Variants in MRPL16 observed in about 807,000 individuals in gnomAD.
MRPL16 encodes mitochondrial ribosomal protein L16.
In MRPL16, 17 loss-of-function variants were observed where a neutral mutation model predicts 22.7. The ratio of observed to expected loss-of-function variants is 0.75; its 90% CI spans 0.51 to 1.12. The LOEUF (loss-of-function observed/expected upper bound fraction) is 1.12, where lower values mean the gene tolerates loss of function less well. MRPL16 is among the 50% of genes most tolerant of loss of function. The pLI, the probability that MRPL16 is intolerant of heterozygous loss-of-function variation, is 0.00. For missense variants in MRPL16, 316 were observed against 328.7 expected, an observed-to-expected ratio of 0.96 and a Z score of 0.30; for synonymous variants, 103 against 112.8, an observed-to-expected ratio of 0.91 and a Z score of 0.55.
intron 2 of MRPL16, chr11:59,808,594 C>T (rs1866137522): frequency 6.6e-6 from 1 of 152,190 alleles, no homozygotes; most frequent in Non-Finnish European, 1.5e-5. Flanking sequence ...AACAGCAAAG[C>T]TACATACCAT....
rs1245045327 is a variant in MRPL16, at chr11:59,806,560, G to C, written c.543C>G (p.His181Gln). The C allele has an allele frequency of 1.2e-6, 2 of 1,614,122 alleles. No homozygotes were observed. The highest frequency in any genetic ancestry group is 1.7e-6 in the Non-Finnish European group (2 of 1,180,054). The change falls in exon 4 of 4, where the codon CAC (histidine) becomes CAG (glutamine). Residue 181 changes from histidine to glutamine, a missense_variant. His to Gln is a conservative substitution (Grantham distance 24). Coordinates refer to ENST00000300151, the MANE Select transcript of MRPL16 (RefSeq NM_017840.4). ...CAGCCTTTGCTGCGAAGGGCAACTT[G>C]TGGGCAACCTGGTCAAGGAAACCTT... is the stretch of plus-strand genomic sequence containing the variant. ...EVQGFLDQVAHKLPFAAKAVS... is the reference protein window; with the variant it reads ...EVQGFLDQVAQKLPFAAKAVS...
chr11:59,808,851 A>G (rs1199146515), intron 2 of MRPL16: 1 of 152,196 alleles, frequency 6.6e-6, no homozygotes, highest in Non-Finnish European at 1.5e-5. Flanking sequence ...CAGGCCAGAC[A>G]TGTGACATCT....
In MRPL16 at chr11:59,809,847, G is replaced by A. The variant is rs368270554; in HGVS notation, c.121+8C>T. 2 of 1,609,946 alleles carry A rather than the reference G, an allele frequency of 1.2e-6. No homozygotes were observed. The highest frequency in any genetic ancestry group is 1.7e-6 in the Non-Finnish European group (2 of 1,177,152). ...AGATTTACGAACAGGAGAAAGACAA[G>A]CTCTCACCTTCAAAACTTGGTACTG... On this transcript the variant is annotated splice_region_variant and intron_variant, in intron 2 of 3. Coordinates refer to ENST00000300151, the MANE Select transcript of MRPL16 (RefSeq NM_017840.4).
At position 59,806,517 on chromosome 11, in the gene MRPL16, C is replaced by T. The variant is rs1409620132; in HGVS notation, c.586G>A (p.Glu196Lys). Residue 196 changes from glutamate to lysine, a missense_variant, in exon 4 of 4, where the codon GAG becomes AAG. Transcript: ENST00000300151. ...AAKAVSRGTL[E>K]KMRKDQEERE... ...TCCTCTTGATCTTTTCGCATCTTCT[C>T]TAGAGTCCCGCGGCTCACAGCCTTT... 1.2e-6 allele frequency: 2 copies of T among 1,614,242 alleles called. No individual in the cohort carries two copies. The highest frequency in any genetic ancestry group is 1.7e-6 in the Non-Finnish European group (2 of 1,180,044).
At position 59,809,402 on chromosome 11, in the gene MRPL16, G is replaced by C. The variant is rs550969665; in HGVS notation, c.121+453C>G. The C allele has an allele frequency of 4.1e-5, 7 of 169,790 alleles. No individual in the cohort carries two copies. The Admixed American group carries it at 4.5e-4, about 11-fold the overall frequency. 10.5% of individuals were successfully genotyped at this position (169,790 alleles called of 1,614,324 possible). A position where few individuals can be genotyped will look rare whatever the true frequency, so the allele number is the denominator to read the frequency against. On this transcript the variant is annotated intron_variant, in intron 2 of 3. Coordinates refer to ENST00000300151, the MANE Select transcript of MRPL16 (RefSeq NM_017840.4). ...TGGGATTACAGGTGTAAACTACCAC[G>C]CCCAGCTAATTTTTTGTATTTTTAG...
intron 3 of MRPL16, chr11:59,807,122 A>C (rs1183885064): frequency 2.7e-6 from 1 of 367,868 alleles, no homozygotes; most frequent in Non-Finnish European, 4.9e-6. Flanking sequence ...AGGCATAAGA[A>C]AGGCTTATGT....
chr11:59,808,969 A>C (rs1379155291), intron 2 of MRPL16: 2 of 152,232 alleles, frequency 1.3e-5, no homozygotes, highest in Non-Finnish European at 2.9e-5. Context: ...GACAAATACA[A>C]AATAGAAGAG....
At chr11:59,807,202 A>C in intron 3 of MRPL16, 1 of 219,396 alleles carries the variant, frequency 4.6e-6, no homozygotes, top group Admixed American at 5.1e-5. Context: ...AGGGTGAGGA[A>C]TGGGGAGAGT....
In MRPL16 at chr11:59,806,239, T is replaced by G. The variant is rs1294043523; in HGVS notation, c.*108A>C. The G allele has an allele frequency of 4.9e-6, 6 of 1,213,148 alleles. No homozygotes were observed. The East Asian group carries it at 1.4e-4, about 29-fold the overall frequency. The allele number at this position is 1,213,148 out of a possible 1,614,324, so 75.1% of individuals were successfully genotyped here. ...CAGAAATCTACTCAAATGCTGCTCC[T>G]TAGTTATGGCTTAAGAGCTACCCAA... On this transcript the variant is annotated 3_prime_UTR_variant, in exon 4 of 4. Transcript: ENST00000300151.
intron 2 of MRPL16, among the ~76,000 whole-genome samples, chr11:59,808,418 A>G (rs1866135189): frequency 6.6e-6 from 1 of 152,256 alleles, no homozygotes; most frequent in Admixed American, 6.5e-5. Context: ...CAAATTAAAA[A>G]TATACAGCTC....
intron 1 of MRPL16, chr11:59,810,243 A>T: frequency 8.7e-7 from 1 of 1,145,664 alleles, no homozygotes; most frequent in Non-Finnish European, 1.1e-6. Flanking sequence ...TACTGACCTC[A>T]AGTGATTCGC....
chr11:59,807,569 C>G (rs1334697440), intron 3 of MRPL16, 132 bp downstream of exon 3: 1 of 1,001,262 alleles, frequency 1.0e-6, no homozygotes, highest in African/African-American at 1.6e-5. Flanking sequence ...TCTGTACATA[C>G]CAGTTTAAAG....
chr11:59,807,892 T>G, intron 2 of MRPL16, 43 bp from the exon 3 acceptor site: 1 of 1,494,012 alleles, frequency 6.7e-7, no homozygotes, highest in Non-Finnish European at 9.0e-7. Flanking sequence ...AAACTATACA[T>G]CTCAAAAGAT....
intron 3 of MRPL16, 73 bp downstream of exon 3, chr11:59,807,628 T>C (rs898215405): frequency 1.4e-4 from 209 of 1,469,654 alleles, no homozygotes; most frequent in Non-Finnish European, 1.9e-4. Context: ...GAGACTAAAT[T>C]ATCTCAAGGA....
rs143780834 is a variant in MRPL16, at chr11:59,806,781, T to C, written c.322A>G (p.Thr108Ala). The C allele has an allele frequency of 2.5e-6, 4 of 1,612,616 alleles. No individual in the cohort carries two copies. In the African/African-American group the frequency reaches 5.3e-5, roughly 22 times the overall value. ...TTGGGGTCCATAGAGCGGTTGATTGTCAGGCGCATCATTTCAAAGTGGCCC... is the reference window on the plus strand; with the variant it reads ...TTGGGGTCCATAGAGCGGTTGATTGCCAGGCGCATCATTTCAAAGTGGCCC... ...HWGHFEMMRL[T>A]INRSMDPKNM... is the part of the protein sequence containing the mutation. The change falls in exon 4 of 4, where the codon ACA becomes GCA. Residue 108 changes from threonine (T) to alanine (A), a missense_variant. Coordinates refer to ENST00000300151, the MANE Select transcript of MRPL16 (RefSeq NM_017840.4).
chr11:59,810,547 T>G, intron 1 of MRPL16, 57 bp downstream of exon 1: 1 of 1,609,934 alleles, frequency 6.2e-7, no homozygotes, highest in Non-Finnish European at 8.5e-7. Context: ...GAAAAAGCAC[T>G]GGAGGGTGGG....
In MRPL16 at chr11:59,806,816, T is replaced by G. The variant is rs1303560421; in HGVS notation, c.287A>C (p.Tyr96Ser). The part of the protein sequence containing the change: ...NFAILALGGG[Y>S]LHWGHFEMMR... Reference sequence around the variant, plus strand: ...CATTTCAAAGTGGCCCCAATGCAGGTAGCCACCACCCAATGCCTAAAAGTG... The same window carrying G: ...CATTTCAAAGTGGCCCCAATGCAGGGAGCCACCACCCAATGCCTAAAAGTG... The change falls in exon 4 of 4, where the codon TAC becomes TCC. Residue 96 changes from tyrosine (Y) to serine (S), a missense_variant. Tyr to Ser is a moderately radical substitution (Grantham distance 144, BLOSUM62 -2). Coordinates refer to ENST00000300151, the MANE Select transcript of MRPL16 (RefSeq NM_017840.4). The G allele has an allele frequency of 2.5e-6, 4 of 1,608,376 alleles. No homozygotes were observed. Among genetic ancestry groups the G allele is most frequent in the Non-Finnish European group, 3.4e-6 (4 of 1,175,080 alleles).
chr11:59,810,314 T>TA, intron 1 of MRPL16: 2 of 1,297,804 alleles, frequency 1.5e-6, no homozygotes, highest in Non-Finnish European at 2.0e-6. Context: ...CGCCCAAAAG[T>TA]ACTTCCGCCG....
rs762582779 is a variant in MRPL16 at position 59,809,904 on chromosome 11, G to T, written c.72C>A (p.Leu24=). The change falls in exon 2 of 4, where the codon CTC becomes CTA. Residue 24 remains leucine, a synonymous_variant. Coordinates refer to ENST00000300151, the MANE Select transcript of MRPL16 (RefSeq NM_017840.4). The stretch of plus-strand genomic sequence containing the variant: ...GTGTCTTTACGCCAGCACTGGCGGG[G>T]AGGAGTGCCCAGGAATCTACAAAGA... ...RVPLSDSWAL[L]PASAGVKTLL... The T allele has an allele frequency of 1.5e-5, 24 of 1,613,444 alleles. No homozygotes were observed. Among genetic ancestry groups the T allele is most frequent in the Non-Finnish European group, 2.0e-5 (24 of 1,179,838 alleles).
Sources: allele counts gnomAD v4.1 joint callset (sites outside exome capture counted in the v4.1 genomes callset), GRCh38; gene constraint gnomAD v4.1.1; transcripts MANE v1.5; gene names NCBI Gene and HGNC (gene_info 2026-07-23, HGNC 2026-07-21).